GPR63: variants seen among roughly 807,000 people sequenced by gnomAD.
GPR63 encodes probable G protein-coupled receptor 63.
Under a neutral mutation model 23.1 loss-of-function variants are expected in GPR63, and 12 were observed. The observed-to-expected ratio is 0.52, with a 90% CI of 0.33 to 0.84. The LOEUF (loss-of-function observed/expected upper bound fraction) is 0.84, where lower values mean the gene tolerates loss of function less well. Ranked by LOEUF, GPR63 falls within the 40% of genes least tolerant of loss-of-function variation. GPR63 has a pLI of 0.02. For synonymous variants in GPR63, 172 were observed against 191.1 expected (o/e 0.90, Z 0.82); for missense variants, 472 against 515.6 (o/e 0.92, Z 0.82).
At chr6:96,807,536 T>C (rs1773927889) in intron 1 of GPR63, among the ~76,000 whole-genome samples, 1 of 152,218 alleles carries the variant, frequency 6.6e-6, no homozygotes. Flanking sequence ...ATAATATCAA[T>C]ATGTTTAGTA....
chr6:96,809,730 T>C (rs925958457), intron 1 of GPR63, among the ~76,000 whole-genome samples: 4 of 152,172 alleles, frequency 2.6e-5, no homozygotes, highest in South Asian at 2.1e-4. Flanking sequence ...TATCTTACTA[T>C]AAGGATGTCG....
intron 1 of GPR63, among the ~76,000 whole-genome samples, chr6:96,831,070 G>A (rs1774567738): frequency 6.6e-6 from 1 of 152,160 alleles, no homozygotes; most frequent in African/African-American, 2.4e-5. Flanking sequence ...TAAATGTTAA[G>A]AGTCCAGGAG....
intron 1 of GPR63, among the ~76,000 whole-genome samples, chr6:96,808,023 G>A (rs1773940654): frequency 1.3e-5 from 2 of 152,252 alleles, no homozygotes; most frequent in South Asian, 4.1e-4. Flanking sequence ...GTAAAACAGA[G>A]AATACAACAT....
At chr6:96,831,919 A>T (rs934220919) in intron 1 of GPR63, among the ~76,000 whole-genome samples, 1 of 151,936 alleles carries the variant, frequency 6.6e-6, no homozygotes, top group Non-Finnish European at 1.5e-5. Context: ...AAAAAAATAA[A>T]AAATAAATAA....
At chr6:96,819,093 T>C (rs1774233381) in intron 1 of GPR63, among the ~76,000 whole-genome samples, 1 of 152,210 alleles carries the variant, frequency 6.6e-6, no homozygotes, top group East Asian at 1.9e-4. Context: ...AGTTCAACTA[T>C]TGTGGAAGAC....
chr6:96,828,934 C>A (rs1316115247), intron 1 of GPR63, among the ~76,000 whole-genome samples: 1 of 152,098 alleles, frequency 6.6e-6, no homozygotes, highest in East Asian at 1.9e-4. Flanking sequence ...TGACATATGA[C>A]AAAAGGGTTA....
chr6:96,810,592 T>C (rs1774017701), intron 1 of GPR63, among the ~76,000 whole-genome samples: 1 of 150,810 alleles, frequency 6.6e-6, no homozygotes, highest in Non-Finnish European at 1.5e-5. Flanking sequence ...CAATCTAGAA[T>C]AGTGACAGCA....
intron 1 of GPR63, among the ~76,000 whole-genome samples, chr6:96,825,482 T>C (rs1489091733): frequency 1.3e-5 from 2 of 152,052 alleles, no homozygotes; most frequent in African/African-American, 2.4e-5. Flanking sequence ...GAGTGTCTTC[T>C]ACCTACTTAA....
chr6:96,837,124 G>C (rs1319068001), intron 1 of GPR63, 144 bp downstream of exon 1: 1 of 152,756 alleles, frequency 6.5e-6, no homozygotes, highest in South Asian at 2.1e-4. Context: ...GCACAACTTC[G>C]GTCTCTCCAG....
intron 1 of GPR63, among the ~76,000 whole-genome samples, chr6:96,819,959 A>G (rs2127955228): frequency 7.3e-6 from 1 of 137,906 alleles, no homozygotes; most frequent in South Asian, 2.4e-4. Flanking sequence ...TGGGCAACAC[A>G]GCGAGACTCT....
At chr6:96,835,732 T>C (rs1398017148) in intron 1 of GPR63, among the ~76,000 whole-genome samples, 6 of 152,184 alleles carry the variant, frequency 3.9e-5, no homozygotes, top group Middle Eastern at 3.2e-3. Flanking sequence ...TGGTATACTT[T>C]ACAGCAAAGT....
chr6:96,808,003 A>G (rs1358061377), intron 1 of GPR63, among the ~76,000 whole-genome samples: 1 of 152,232 alleles, frequency 6.6e-6, no homozygotes, highest in African/African-American at 2.4e-5. Flanking sequence ...CTTAGCCACT[A>G]CGCTATGCTG....
rs1399675135 is a variant in GPR63, at chr6:96,794,451, TTTAAAC to T, written c.*4015_*4020del. The T allele has an allele frequency of 6.6e-6, 1 of 152,176 alleles. No individual in the cohort carries two copies. Among genetic ancestry groups the T allele is most frequent in the Non-Finnish European group, 1.5e-5 (1 of 68,010 alleles). The allele number at this position is 152,176 out of a possible 1,614,324, so 9.4% of individuals were successfully genotyped here. The stretch of plus-strand genomic sequence containing the variant: ...AAAATAAATCTGAATGTAGCCATTC[TTTAAAC>T]TTAAACTAAAAATCATTGTAGAATA... On this transcript the variant is annotated 3_prime_UTR_variant, in exon 2 of 2. Transcript: ENST00000229955.
rs1036585552 is a variant in GPR63 at position 96,799,808 on chromosome 6, G to A, written c.-77C>T. 5 of 1,440,692 alleles carry A rather than the reference G, an allele frequency of 3.5e-6. No individual in the cohort carries two copies. The highest frequency in any genetic ancestry group is 4.9e-6 in the Non-Finnish European group (5 of 1,023,926). 89.2% of individuals were successfully genotyped at this position (1,440,692 alleles called of 1,614,324 possible). A position where few individuals can be genotyped will look rare whatever the true frequency, so the allele number is the denominator to read the frequency against. On this transcript the variant is annotated 5_prime_UTR_variant, in exon 2 of 2. Transcript: ENST00000229955. ...TTTCAACACAGAACAGCAGTATCAG[G>A]TCCCATTGATGGGCTTGGAAATACA...
chr6:96,814,873 A>G lies in GPR63; in HGVS notation c.-150-14992T>C, dbSNP rs146231647. The stretch of plus-strand genomic sequence containing the variant: ...TGACTAAAACAAGGACATTTCTGTG[A>G]GTTATATCATACTTTCACAATTAAT... On this transcript the variant is annotated intron_variant, in intron 1 of 1. Coordinates refer to ENST00000229955, the MANE Select transcript of GPR63 (RefSeq NM_030784.4). 5.4e-3 allele frequency among the ~76,000 whole-genome samples: 815 copies of G among 152,294 alleles called. 4 individuals carry two copies. The highest frequency in any genetic ancestry group is 9.1e-3 in the Non-Finnish European group (622 of 68,008).
intron 1 of GPR63, among the ~76,000 whole-genome samples, chr6:96,820,573 C>T (rs1774289322): frequency 6.6e-6 from 1 of 152,004 alleles, no homozygotes; most frequent in Non-Finnish European, 1.5e-5. Flanking sequence ...CTGGTTTCCA[C>T]AAATATTACC....
chr6:96,795,613 G>A lies in GPR63; in HGVS notation c.*2859C>T, dbSNP rs1347342824. ...TTCACAAACAGGGAGCGTCTCGGCAGGCACTCCAGAGCTCTCACCAAATGA... is the reference window on the plus strand; with the variant it reads ...TTCACAAACAGGGAGCGTCTCGGCAAGCACTCCAGAGCTCTCACCAAATGA... On this transcript the variant is annotated 3_prime_UTR_variant, in exon 2 of 2. Coordinates refer to ENST00000229955, the MANE Select transcript of GPR63 (RefSeq NM_030784.4). 1 of 152,150 alleles carries A rather than the reference G, an allele frequency of 6.6e-6. No individual in the cohort carries two copies. Among genetic ancestry groups the A allele is most frequent in the Non-Finnish European group, 1.5e-5 (1 of 68,030 alleles). 9.4% of individuals were successfully genotyped at this position (152,150 alleles called of 1,614,324 possible).
At chr6:96,804,445 T>C (rs1004653922) in intron 1 of GPR63, among the ~76,000 whole-genome samples, 1 of 152,230 alleles carries the variant, frequency 6.6e-6, no homozygotes, top group African/African-American at 2.4e-5. Context: ...ACGACCACTA[T>C]GCTTTGCACA....
Position 96,796,943 on chromosome 6 carries a change from T to C in GPR63, c.*1529A>G, listed in dbSNP as rs1246927392. On this transcript the variant is annotated 3_prime_UTR_variant, in exon 2 of 2. Coordinates refer to ENST00000229955, the MANE Select transcript of GPR63 (RefSeq NM_030784.4). Reference sequence around the variant, plus strand: ...GTGGTTGTAGGTCAGATGTGGTGGCTCATGCCTGTAATCCCAACATTTTGG... The same window carrying C: ...GTGGTTGTAGGTCAGATGTGGTGGCCCATGCCTGTAATCCCAACATTTTGG... The C allele has an allele frequency of 6.6e-6, 1 of 152,242 alleles. No homozygotes were observed. Among genetic ancestry groups the C allele is most frequent in the Non-Finnish European group, 1.5e-5 (1 of 68,054 alleles). The allele number at this position is 152,242 out of a possible 1,614,324, so 9.4% of individuals were successfully genotyped here.
Sources: allele counts gnomAD v4.1 joint callset (sites outside exome capture counted in the v4.1 genomes callset), GRCh38; gene constraint gnomAD v4.1.1; transcripts MANE v1.5; gene names NCBI Gene and HGNC (gene_info 2026-07-23, HGNC 2026-07-21).